Variants in XKR6 observed in about 807,000 individuals in gnomAD.
XKR6 encodes XK related 6.
A neutral mutation model predicts 56.7 loss-of-function variants in XKR6; 22 were observed. The ratio of observed to expected loss-of-function variants is 0.39; its 90% CI spans 0.28 to 0.55. The LOEUF (loss-of-function observed/expected upper bound fraction) is 0.55, where lower values mean the gene tolerates loss of function less well. XKR6 is among the 20% of genes least tolerant of loss of function. The pLI, the probability that XKR6 is intolerant of heterozygous loss-of-function variation, is 0.66. For synonymous variants in XKR6, 524 were observed against 387.8 expected (o/e 1.35, Z -4.13); for missense variants, 852 against 889.0 (o/e 0.96, Z 0.53).
At chr8:11,124,659 G>A (rs577764814) in intron 1 of XKR6, 1 of 153,086 alleles carries the variant, frequency 6.5e-6, no homozygotes, top group African/African-American at 2.4e-5. Context: ...GGGGGTAGGA[G>A]AAGGTTGGAG....
rs1180760797 is a variant in XKR6, at chr8:10,898,909, G to A, written c.969C>T (p.Ser323=). 5 of 1,602,598 alleles carry A rather than the reference G, an allele frequency of 3.1e-6. No individual in the cohort carries two copies. The highest frequency in any genetic ancestry group is 4.3e-6 in the Non-Finnish European group (5 of 1,174,256). ...CCAGGGACATCAGGGAAGTCACAGAGGAGACACCTGCCGGAAAGACACAAA... is the reference window on the plus strand; with the variant it reads ...CCAGGGACATCAGGGAAGTCACAGAAGAGACACCTGCCGGAAAGACACAAA... The part of the protein sequence containing the change: ...KNSAETLPCV[S]SVTSLMSLAW... The change falls in exon 3 of 3, where the codon TCC becomes TCT. Residue 323 remains serine (S), a synonymous_variant. Transcript: ENST00000416569. This position sits in a 1 kb window ranked among gnomAD's most constrained non-coding sequence, Gnocchi z 6.6.
At chr8:10,962,139 T>C (rs1802082849) in intron 1 of XKR6, among the ~76,000 whole-genome samples, 1 of 152,218 alleles carries the variant, frequency 6.6e-6, no homozygotes, top group Non-Finnish European at 1.5e-5. Context: ...AAATGGCCCC[T>C]CCTAGAAGCA....
At chr8:11,114,944 T>C (rs539776221) in intron 1 of XKR6, among the ~76,000 whole-genome samples, 19 of 152,260 alleles carry the variant, frequency 1.2e-4, no homozygotes, top group African/African-American at 2.9e-4. Flanking sequence ...ATTCAACAAA[T>C]ACCGAATGTT....
intron 1 of XKR6, among the ~76,000 whole-genome samples, chr8:11,178,713 A>T (rs868022847): frequency 7.3e-6 from 1 of 136,362 alleles, no homozygotes; most frequent in African/African-American, 3.5e-5. Context: ...GGGATGGAGG[A>T]AAGATTGGAT....
intron 1 of XKR6, among the ~76,000 whole-genome samples, chr8:10,969,722 GC>G (rs1485597691): frequency 6.6e-6 from 1 of 152,188 alleles, no homozygotes; most frequent in African/African-American, 2.4e-5. Flanking sequence ...GGAAACAGGA[GC>G]CCCCCACCCA....
At chr8:11,125,691 T>G (rs960010913) in intron 1 of XKR6, 2 of 152,086 alleles carry the variant, frequency 1.3e-5, no homozygotes, top group Non-Finnish European at 2.9e-5. Context: ...TGCAAAAAAC[T>G]AAAAACAACT....
At chr8:11,066,669 T>C (rs903878715) in intron 1 of XKR6, among the ~76,000 whole-genome samples, 5 of 152,190 alleles carry the variant, frequency 3.3e-5, no homozygotes, top group African/African-American at 1.2e-4. Flanking sequence ...GACAGCACTT[T>C]AGAGTTTACA....
At chr8:11,193,312 A>T (rs1803685384) in intron 1 of XKR6, among the ~76,000 whole-genome samples, 1 of 152,244 alleles carries the variant, frequency 6.6e-6, no homozygotes, top group South Asian at 2.1e-4. Context: ...TTAATATTTC[A>T]AAAGTAAAAG....
intron 1 of XKR6, among the ~76,000 whole-genome samples, chr8:10,939,119 C>T (rs1801311644): frequency 6.6e-6 from 1 of 152,110 alleles, no homozygotes; most frequent in South Asian, 2.1e-4. Context: ...AGCTCACAAA[C>T]CCTGGATGGA....
At chr8:11,117,862 A>C (rs906001687) in intron 1 of XKR6, among the ~76,000 whole-genome samples, 3 of 152,210 alleles carry the variant, frequency 2.0e-5, no homozygotes, top group Non-Finnish European at 4.4e-5. Context: ...ACAATTCATC[A>C]AGGAAAACAA....
chr8:11,166,556 A>G (rs1039341082), intron 1 of XKR6, among the ~76,000 whole-genome samples: 4 of 152,108 alleles, frequency 2.6e-5, no homozygotes, highest in Non-Finnish European at 2.9e-5. Context: ...TTTAATGTTT[A>G]TTTAATCTAA....
chr8:11,026,126 T>A (rs1173408117), intron 1 of XKR6, among the ~76,000 whole-genome samples: 1 of 152,162 alleles, frequency 6.6e-6, no homozygotes, highest in East Asian at 1.9e-4. Context: ...GAGTTACACA[T>A]GCCTAGATGG....
chr8:11,009,310 A>G (rs1307953969), intron 1 of XKR6, among the ~76,000 whole-genome samples: 2 of 152,184 alleles, frequency 1.3e-5, no homozygotes, highest in African/African-American at 4.8e-5. Context: ...CAGGAGTTCA[A>G]GACCGGCCTG....
At chr8:11,131,076 G>A (rs568556784) in intron 1 of XKR6, among the ~76,000 whole-genome samples, 2 of 152,208 alleles carry the variant, frequency 1.3e-5, no homozygotes, top group Admixed American at 1.3e-4. Flanking sequence ...TCTTCTAGCT[G>A]TGGATGGTAA....
At chr8:10,984,732 C>CTCTCTCTCTCTCTCTCTATATATATA in intron 1 of XKR6, among the ~76,000 whole-genome samples, 61 of 47,458 alleles carry the variant, frequency 1.3e-3, no homozygotes, top group Non-Finnish European at 1.9e-3. Flanking sequence ...CTCTCTCTCT[C>CTCTCTCTCTCTCTCTCTATATATATA]TATATATATA....
At chr8:10,928,008 C>A (rs950933947) in intron 1 of XKR6, among the ~76,000 whole-genome samples, 3 of 152,208 alleles carry the variant, frequency 2.0e-5, no homozygotes, top group African/African-American at 4.8e-5. Flanking sequence ...CTCATCCTTT[C>A]CAACTGCTCC....
chr8:10,999,940 G>A (rs1475134168), intron 1 of XKR6, among the ~76,000 whole-genome samples: 2 of 152,194 alleles, frequency 1.3e-5, no homozygotes, highest in Non-Finnish European at 2.9e-5. Context: ...AGAGAAATAT[G>A]GGCAAGGAAG....
At chr8:11,193,308 T>A (rs1803685283) in intron 1 of XKR6, among the ~76,000 whole-genome samples, 1 of 152,242 alleles carries the variant, frequency 6.6e-6, no homozygotes, top group South Asian at 2.1e-4. Flanking sequence ...TTGTTTAATA[T>A]TTCAAAAGTA....
At chr8:11,171,520 T>G (rs4840550) in intron 1 of XKR6, among the ~76,000 whole-genome samples, 63,989 of 151,772 alleles carry the variant, frequency 0.42, 14,301 homozygotes, top group Middle Eastern at 0.5. Context: ...TTCCCTTGGG[T>G]ATAGGGAGTT....
Sources: allele counts gnomAD v4.1 joint callset (sites outside exome capture counted in the v4.1 genomes callset), GRCh38; gene constraint gnomAD v4.1.1; non-coding constraint Gnocchi (gnomAD v3.1); transcripts MANE v1.5; gene names NCBI Gene and HGNC (gene_info 2026-07-23, HGNC 2026-07-21).